MYH9: variants seen among roughly 807,000 people sequenced by gnomAD.
The protein encoded by MYH9 is myosin-9.
In MYH9, 29 loss-of-function variants were observed where a neutral mutation model predicts 241.9. That is an observed-to-expected ratio of 0.12 (90% CI 0.09 to 0.16). The LOEUF (loss-of-function observed/expected upper bound fraction) is 0.16. Ranked by LOEUF, MYH9 falls within the 10% of genes least tolerant of loss-of-function variation. The pLI, the probability that MYH9 is intolerant of heterozygous loss-of-function variation, is 1.00. For missense variants in MYH9, 1,803 were observed against 2,595.5 expected (o/e 0.69, Z 6.63); for synonymous variants, 1,047 against 1,062.6 (o/e 0.99, Z 0.29).
chr22:36,304,251 T>A, intron 18 of MYH9, 96 bp from the exon 19 acceptor site: 1 of 1,306,532 alleles, frequency 7.7e-7, no homozygotes, highest in Non-Finnish European at 1.1e-6. Flanking sequence ...CCCTTCACCC[T>A]TCTTCTCACT....
At chr22:36,359,854 G>A (rs948785552) in intron 1 of MYH9, among the ~76,000 whole-genome samples, 1 of 152,194 alleles carries the variant, frequency 6.6e-6, no homozygotes, top group Non-Finnish European at 1.5e-5. Flanking sequence ...AAAAACCACA[G>A]CCATGTGAGG....
At position 36,312,091 on chromosome 22, in the gene MYH9, C is replaced by G. The variant is rs199506577; in HGVS notation, c.1686G>C (p.Leu562=). Residue 562 remains leucine, a synonymous_variant, in exon 14 of 41, where the codon CTG becomes CTC. Coordinates refer to ENST00000216181, the MANE Select transcript of MYH9 (RefSeq NM_002473.6). ...TAATGCAGAAATCAGCTTTGTCCTT[C>G]AGCTGCTTGGGCTTCTGGAACTTGG... ...THPKFQKPKQ[L]KDKADFCIIH... is the part of the protein sequence containing the mutation. 4 of 1,614,228 alleles carry G rather than the reference C, an allele frequency of 2.5e-6. No homozygotes were observed. In the South Asian group the frequency reaches 3.3e-5, roughly 13 times the overall value.
intron 13 of MYH9, among the ~76,000 whole-genome samples, chr22:36,313,772 C>T (rs1452441440): frequency 6.6e-6 from 1 of 152,132 alleles, no homozygotes; most frequent in Non-Finnish European, 1.5e-5. Context: ...GCGATAGGGC[C>T]TTACTACATC....
Position 36,285,011 on chromosome 22 carries a change from C to A in MYH9, c.5483+110G>T. On this transcript the variant is annotated intron_variant, in intron 38 of 40. Coordinates refer to ENST00000216181, the MANE Select transcript of MYH9 (RefSeq NM_002473.6). The surrounding 1 kb of genome is among the most constrained non-coding windows in gnomAD (Gnocchi z 7.0). ...CCCATCAGGAGGGAGGGAAACAGCC[C>A]CAGGCTCAGGAGACAGAGAGCTGGT... 9.5e-7 allele frequency: 1 copy of A among 1,057,840 alleles called. No homozygotes were observed. 65.5% of individuals were successfully genotyped at this position (1,057,840 alleles called of 1,614,324 possible).
At chr22:36,368,216 C>T (rs1484741619) in intron 1 of MYH9, among the ~76,000 whole-genome samples, 1 of 152,194 alleles carries the variant, frequency 6.6e-6, no homozygotes, top group African/African-American at 2.4e-5. Flanking sequence ...TAAATAACGG[C>T]CACTTGCACT....
chr22:36,314,722 C>A (rs879757093), intron 12 of MYH9, among the ~76,000 whole-genome samples: 15 of 151,884 alleles, frequency 9.9e-5, no homozygotes, highest in Non-Finnish European at 1.6e-4. Context: ...AATCTCAGCT[C>A]ACTGCAGCCT....
intron 1 of MYH9, among the ~76,000 whole-genome samples, chr22:36,359,999 C>G (rs574979162): frequency 6.8e-6 from 1 of 148,062 alleles, no homozygotes; most frequent in African/African-American, 2.4e-5. Flanking sequence ...GCTGTTAGCA[C>G]CCCAATTTCC....
At chr22:36,361,682 G>A (rs2017937936) in intron 1 of MYH9, among the ~76,000 whole-genome samples, 1 of 152,186 alleles carries the variant, frequency 6.6e-6, no homozygotes, top group African/African-American at 2.4e-5. Context: ...ATAAACTGGG[G>A]CAGCTAACCC....
chr22:36,288,507 G>C lies in MYH9; in HGVS notation c.4771-94C>G. 1 of 1,526,704 alleles carries C rather than the reference G, an allele frequency of 6.6e-7. No individual in the cohort carries two copies. Among genetic ancestry groups the C allele is most frequent in the Non-Finnish European group, 9.0e-7 (1 of 1,115,184 alleles). The allele number at this position is 1,526,704 out of a possible 1,614,324, so 94.6% of individuals were successfully genotyped here. A position where few individuals can be genotyped will look rare whatever the true frequency, so the allele number is the denominator to read the frequency against. On this transcript the variant is annotated intron_variant, in intron 33 of 40. Coordinates refer to ENST00000216181, the MANE Select transcript of MYH9 (RefSeq NM_002473.6). The surrounding 1 kb of genome is among the most constrained non-coding windows in gnomAD (Gnocchi z 4.8). ...CAGGAGCCTCAGGCCAGTTCTGCAG[G>C]ATCCATGGGGCCTCGGGAAACCAGT...
intron 1 of MYH9, among the ~76,000 whole-genome samples, chr22:36,352,854 G>C (rs2017790053): frequency 6.6e-6 from 1 of 152,220 alleles, no homozygotes; most frequent in South Asian, 2.1e-4. Flanking sequence ...GCTGGGCTCT[G>C]CTCAGCCTGG....
Position 36,285,850 on chromosome 22 carries a change from C to A in MYH9, c.5150+15G>T. On this transcript the variant is annotated intron_variant, in intron 36 of 40. Transcript: ENST00000216181. This position sits in a 1 kb window ranked among gnomAD's most constrained non-coding sequence, Gnocchi z 7.0. Reference sequence around the variant, plus strand: ...CACCTGGTCCCCCCCAACTCTGCCCCCTCACTCAGCTCACCCTTTGCCGCT... The same window carrying A: ...CACCTGGTCCCCCCCAACTCTGCCCACTCACTCAGCTCACCCTTTGCCGCT... The A allele has an allele frequency of 6.2e-7, 1 of 1,613,812 alleles. No individual in the cohort carries two copies.
chr22:36,289,351 G>T, intron 31 of MYH9, 54 bp from the exon 32 acceptor site: 1 of 1,526,982 alleles, frequency 6.5e-7, no homozygotes. Flanking sequence ...CAGCAGGGCA[G>T]GGCAGCTGGG....
chr22:36,321,992 A>C, intron 6 of MYH9, 171 bp from the exon 7 acceptor site: 1 of 672,908 alleles, frequency 1.5e-6, no homozygotes, highest in Non-Finnish European at 2.7e-6. Flanking sequence ...CCCACACCAC[A>C]CGGGACCTCG....
intron 24 of MYH9, 88 bp downstream of exon 24, chr22:36,298,831 C>T (rs1569535139): frequency 8.8e-6 from 14 of 1,586,132 alleles, no homozygotes; most frequent in Middle Eastern, 2.2e-4. Flanking sequence ...GAGAAGGCCT[C>T]GGTGTTCCGG....
At chr22:36,303,397 C>T (rs1280627079) in intron 19 of MYH9, among the ~76,000 whole-genome samples, 2 of 151,706 alleles carry the variant, frequency 1.3e-5, no homozygotes, top group African/African-American at 2.4e-5. Flanking sequence ...AAGGGTCACA[C>T]GGTAAGGAGT....
chr22:36,314,249 T>C lies in MYH9; in HGVS notation c.1450A>G (p.Met484Val). ...TACTCCTCCTGCTCCAGGATGAACA[T>C]GGTGTGGTTGAAGAGCTGCTGCAGC... ...EKLQQLFNHT[M>V]FILEQEEYQR... The change falls in exon 13 of 41, where the codon ATG (methionine) becomes GTG (valine). Residue 484 changes from methionine (M) to valine (V), a missense_variant. Coordinates refer to ENST00000216181, the MANE Select transcript of MYH9 (RefSeq NM_002473.6). The C allele has an allele frequency of 6.2e-7, 1 of 1,614,104 alleles. No homozygotes were observed. Among genetic ancestry groups the C allele is most frequent in the Non-Finnish European group, 8.5e-7 (1 of 1,179,994 alleles).
At chr22:36,386,727 C>T (rs77315955) in intron 1 of MYH9, among the ~76,000 whole-genome samples, 1 of 152,160 alleles carries the variant, frequency 6.6e-6, no homozygotes, top group East Asian at 1.9e-4. Context: ...CACAGGACAG[C>T]CGGCAAGCTA....
At position 36,300,376 on chromosome 22, in the gene MYH9, T is replaced by C. The variant is rs1027347819; in HGVS notation, c.2839-112A>G. 2 of 1,495,656 alleles carry C rather than the reference T, an allele frequency of 1.3e-6. No individual in the cohort carries two copies. Among genetic ancestry groups the C allele is most frequent in the African/African-American group, 1.4e-5 (1 of 72,764 alleles). The allele number at this position is 1,495,656 out of a possible 1,614,324, so 92.6% of individuals were successfully genotyped here. ...ACGCCAAGGAGAAAATAGCAAGGTC[T>C]GTGAGCCCAGGGCCATGGCTGAGGT... On this transcript the variant is annotated intron_variant, in intron 22 of 40. Coordinates refer to ENST00000216181, the MANE Select transcript of MYH9 (RefSeq NM_002473.6). The surrounding 1 kb of genome is among the most constrained non-coding windows in gnomAD (Gnocchi z 5.0).
intron 3 of MYH9, among the ~76,000 whole-genome samples, chr22:36,340,586 G>A (rs2017570162): frequency 6.6e-6 from 1 of 151,948 alleles, no homozygotes; most frequent in Non-Finnish European, 1.5e-5. Context: ...GCTTGAGCCT[G>A]GGAAGCGGAG....
Sources: gnomAD v4.1 joint callset for allele counts (sites outside exome capture counted in the v4.1 genomes callset) on GRCh38, gnomAD v4.1.1 for gene constraint, Gnocchi (gnomAD v3.1) non-coding constraint, MANE v1.5 for transcripts, NCBI Gene and HGNC (gene_info 2026-07-23, HGNC 2026-07-21) for gene names.